The following TTC7A variants were observed in gnomAD, a reference collection of about 807,000 sequenced individuals.
The protein encoded by TTC7A is tetratricopeptide repeat protein 7A.
In TTC7A, 110 loss-of-function variants were observed where a neutral mutation model predicts 103.7. The ratio of observed to expected loss-of-function variants is 1.06; its 90% confidence interval spans 0.91 to 1.24. The LOEUF (loss-of-function observed/expected upper bound fraction) is 1.24, where lower values mean the gene tolerates loss of function less well. Ranked by LOEUF, TTC7A falls within the 50% of genes most tolerant of loss-of-function variation. The pLI is 0.00. For synonymous variants in TTC7A, 521 were observed against 467.9 expected (o/e 1.11, Z -1.47); for missense variants, 1,340 against 1,116.3 (o/e 1.20, Z -2.86).
At chr2:46,955,140 A>G (rs1018448013) in intron 2 of TTC7A, among the ~76,000 whole-genome samples, 1 of 151,136 alleles carries the variant, frequency 6.6e-6, no homozygotes, top group East Asian at 1.9e-4. Flanking sequence ...ACTTTGCCCT[A>G]TTAATGCCTT....
intron 11 of TTC7A, among the ~76,000 whole-genome samples, chr2:47,016,054 C>G (rs372905065): frequency 6.6e-6 from 1 of 152,150 alleles, no homozygotes; most frequent in African/African-American, 2.4e-5. Context: ...GAGGGCAAAC[C>G]TTTTTGGCTC....
intron 3 of TTC7A, among the ~76,000 whole-genome samples, chr2:46,957,900 G>A (rs1672025223): frequency 6.6e-6 from 1 of 152,176 alleles, no homozygotes; most frequent in Non-Finnish European, 1.5e-5. Context: ...TTTGGTGCCT[G>A]GCATTTGTAG....
intron 19 of TTC7A, among the ~76,000 whole-genome samples, chr2:47,062,155 G>A (rs1573071910): frequency 6.6e-6 from 1 of 152,226 alleles, no homozygotes; most frequent in African/African-American, 2.4e-5. Flanking sequence ...TCCTAGCATA[G>A]TCTAGGCACA....
At chr2:46,975,928 G>A (rs1031761520) in intron 4 of TTC7A, among the ~76,000 whole-genome samples, 1 of 152,052 alleles carries the variant, frequency 6.6e-6, no homozygotes, top group East Asian at 1.9e-4. Flanking sequence ...GTAGAGACAG[G>A]GTTTCACCAT....
Position 47,051,760 on chromosome 2 carries a change from TC to T in TTC7A, c.2033del (p.Ser678CysfsTer15), listed in dbSNP as rs1321182429. 6.2e-7 allele frequency: 1 copy of T among 1,610,342 alleles called. No homozygotes were observed. The highest frequency in any genetic ancestry group is 8.5e-7 in the Non-Finnish European group (1 of 1,179,196). The stretch of plus-strand genomic sequence containing the variant: ...TTGCTCTGCAGGCTCCCGGCGGGCT[TC>T]GTCCATCGCCGCCTCCCGGCTGGAG... ...HDADSGSRRASSIAASRLEEA... is the reference protein window; with the variant it reads ...HDADSGSRRAXSIAASRLEEA... On this transcript the variant is annotated frameshift_variant, in exon 18 of 20. Coordinates refer to ENST00000319190, the MANE Select transcript of TTC7A (RefSeq NM_020458.4). LOFTEE classifies it high-confidence loss of function.
At chr2:47,047,342 T>G in intron 16 of TTC7A, 3 of 1,541,624 alleles carry the variant, frequency 1.9e-6, no homozygotes, top group Non-Finnish European at 2.6e-6. Flanking sequence ...AGGAGGGTAA[T>G]CAGACAGAGT....
intron 16 of TTC7A, among the ~76,000 whole-genome samples, chr2:47,049,326 C>A (rs369171909): frequency 1.3e-5 from 2 of 152,048 alleles, no homozygotes; most frequent in East Asian, 1.9e-4. Context: ...CCGCTGCCCC[C>A]ACTCTGTGAA....
intron 19 of TTC7A, among the ~76,000 whole-genome samples, chr2:47,072,983 A>C (rs1684897260): frequency 6.6e-6 from 1 of 152,144 alleles, no homozygotes; most frequent in African/African-American, 2.4e-5. Flanking sequence ...GCCAAACAGC[A>C]GGGCCAAGCT....
Position 46,994,390 on chromosome 2 carries a change from C to A in TTC7A, c.877C>A (p.His293Asn). ...AAKHLAGVLL[H>N]SLSEECYWSP... ...CAAGCACCTGGCGGGGGTCCTGCTG[C>A]ACTCCCTGAGTGAGGAGTGCTACTG... Residue 293 changes from histidine (H) to asparagine (N), a missense_variant, in exon 7 of 20, where the codon CAC becomes AAC. Coordinates refer to ENST00000319190, the MANE Select transcript of TTC7A (RefSeq NM_020458.4). 1 of 1,613,864 alleles carries A rather than the reference C, an allele frequency of 6.2e-7. No homozygotes were observed. The highest frequency in any genetic ancestry group is 1.1e-5 in the South Asian group (1 of 91,056).
Position 47,006,682 on chromosome 2 carries a change from C to A in TTC7A, c.1245C>A (p.His415Gln). 1 of 1,614,188 alleles carries A rather than the reference C, an allele frequency of 6.2e-7. No individual in the cohort carries two copies. The highest frequency in any genetic ancestry group is 1.1e-5 in the South Asian group (1 of 91,088). The change falls in exon 10 of 20, where the codon CAC becomes CAA. Residue 415 changes from histidine to glutamine, a missense_variant. Coordinates refer to ENST00000319190, the MANE Select transcript of TTC7A (RefSeq NM_020458.4). ...TGAAGTTTGCGTTTGGAGAATTTCACCTTTGGTACCAGGTGGCCCTCTCCA... is the reference window on the plus strand; with the variant it reads ...TGAAGTTTGCGTTTGGAGAATTTCAACTTTGGTACCAGGTGGCCCTCTCCA... ...RAMKFAFGEF[H>Q]LWYQVALSMV...
rs971396412 is a variant in TTC7A at position 46,978,833 on chromosome 2, C to A, written c.690C>A (p.His230Gln). ...CGTCGAGGCATCTGAAAGGCTGTCACCCGCTTGACTATGAGCTCACCTACT... is the reference window on the plus strand; with the variant it reads ...CGTCGAGGCATCTGAAAGGCTGTCAACCGCTTGACTATGAGCTCACCTACT... ...NSTSRHLKGC[H>Q]PLDYELTYFL... Residue 230 changes from histidine to glutamine, a missense_variant, in exon 5 of 20, where the codon CAC (histidine) becomes CAA (glutamine). His to Gln is a conservative substitution (Grantham distance 24). Transcript: ENST00000319190. 2.5e-6 allele frequency: 4 copies of A among 1,614,096 alleles called. No homozygotes were observed. Among genetic ancestry groups the A allele is most frequent in the Admixed American group, 1.7e-5 (1 of 60,012 alleles).
intron 15 of TTC7A, among the ~76,000 whole-genome samples, chr2:47,041,800 G>A (rs28490098): frequency 0.094 from 14,179 of 151,090 alleles, 705 homozygotes; most frequent in Non-Finnish European, 0.11. Flanking sequence ...AAACTCTTAA[G>A]CCTAGGTGGC....
In TTC7A at chr2:47,074,721, C is replaced by A. The variant is rs1363549726; in HGVS notation, c.*798C>A. ...AGGTAGGCAGTTTCTAGGACTGTCC[C>A]CAGTACATCTCACCACCCACAGCCC... On this transcript the variant is annotated 3_prime_UTR_variant, in exon 20 of 20. Transcript: ENST00000319190. 6.6e-6 allele frequency: 1 copy of A among 152,410 alleles called. No homozygotes were observed. Among genetic ancestry groups the A allele is most frequent in the Admixed American group, 6.5e-5 (1 of 15,290 alleles). The allele number at this position is 152,410 out of a possible 1,614,324, so 9.4% of individuals were successfully genotyped here. A position where few individuals can be genotyped will look rare whatever the true frequency, so the allele number is the denominator to read the frequency against.
chr2:47,052,891 G>A (rs574815033), intron 18 of TTC7A, among the ~76,000 whole-genome samples: 1 of 152,164 alleles, frequency 6.6e-6, no homozygotes, highest in African/African-American at 2.4e-5. Flanking sequence ...GTCCCCAGGG[G>A]GGGAGTTGGA....
At chr2:47,002,362 A>G (rs776186148) in intron 8 of TTC7A, among the ~76,000 whole-genome samples, 1 of 152,232 alleles carries the variant, frequency 6.6e-6, no homozygotes, top group Non-Finnish European at 1.5e-5. Context: ...ACAGTGAGGA[A>G]GAGACGGTGA....
exon 2 of TTC7A, chr2:46,917,258 A>G (rs1423497322): frequency 4.3e-6 from 3 of 698,850 alleles, no homozygotes; most frequent in Admixed American, 2.0e-5. Flanking sequence ...TCCGCCTCCC[A>G]AAGTGCTGGG....
upstream of TTC7A, among the ~76,000 whole-genome samples, chr2:46,939,714 G>A (rs1670173782): frequency 6.6e-6 from 1 of 152,138 alleles, no homozygotes; most frequent in South Asian, 2.1e-4. Flanking sequence ...GCCAGGCGTG[G>A]GGCAAATCAC....
intron 3 of TTC7A, among the ~76,000 whole-genome samples, chr2:46,967,598 G>A (rs1387227712): frequency 6.6e-6 from 1 of 152,162 alleles, no homozygotes; most frequent in Non-Finnish European, 1.5e-5. Flanking sequence ...CCTTCCTTCT[G>A]AAGGCTGAAT....
In TTC7A at chr2:46,994,054, C is replaced by T. The variant is rs6754795; in HGVS notation, c.844-303C>T. 0.17 allele frequency among the ~76,000 whole-genome samples: 25,606 copies of T among 152,042 alleles called. 2,329 individuals are homozygous for T. Among genetic ancestry groups the T allele is most frequent in the Admixed American group, 0.19 (2,851 of 15,280 alleles). ...CAATACTGCAAGGTCCTGCTGAATA[C>T]TCAGAGTGGGGCTGGGCTCCAAGGG... On this transcript the variant is annotated intron_variant, in intron 6 of 19. Coordinates refer to ENST00000319190, the MANE Select transcript of TTC7A (RefSeq NM_020458.4).
Sources: gnomAD v4.1 joint callset for allele counts (sites outside exome capture counted in the v4.1 genomes callset) on GRCh38, gnomAD v4.1.1 for gene constraint, MANE v1.5 for transcripts, NCBI Gene and HGNC (gene_info 2026-07-23, HGNC 2026-07-21) for gene names.